BRD10: variants seen among roughly 807,000 people sequenced by gnomAD.
The protein encoded by BRD10 is bromodomain containing 10, also known as uncharacterized bromodomain-containing protein 10.
chr9:5,957,700 TA>T, the BRD10 span, among the ~76,000 whole-genome samples: 1 of 152,210 alleles, frequency 6.6e-6, no homozygotes, highest in Admixed American at 6.5e-5. Flanking sequence ...GTACATTTAC[TA>T]TTTTTTAATA....
At chr9:5,904,525 T>A in the BRD10 span, among the ~76,000 whole-genome samples, 2 of 152,220 alleles carry the variant, frequency 1.3e-5, no homozygotes, top group African/African-American at 4.8e-5. Context: ...CAGGCTGGAG[T>A]GCAGTGGCAC....
At chr9:5,988,593 C>CA in the BRD10 span, 6 of 1,381,942 alleles carry the variant, frequency 4.3e-6, no homozygotes. Flanking sequence ...TCTGGATAAG[C>CA]AATAAACCCC....
At chr9:5,921,365 T>C in the BRD10 span, 1 of 1,613,994 alleles carries the variant, frequency 6.2e-7, no homozygotes, top group Non-Finnish European at 8.5e-7. Context: ...TTGGGGTTGC[T>C]CTGGAGTCTT....
chr9:5,932,858 G>A, the BRD10 span, among the ~76,000 whole-genome samples: 1 of 151,870 alleles, frequency 6.6e-6, no homozygotes, highest in African/African-American at 2.4e-5. Context: ...TTTACATGTA[G>A]GTATCTCTGT....
chr9:5,948,271 G>A, the BRD10 span, among the ~76,000 whole-genome samples: 1 of 152,060 alleles, frequency 6.6e-6, no homozygotes, highest in African/African-American at 2.4e-5. Context: ...CACTGCTAGA[G>A]GAAACCACAG....
chr9:6,004,467 G>A, the BRD10 span, among the ~76,000 whole-genome samples: 5 of 152,126 alleles, frequency 3.3e-5, no homozygotes, highest in Admixed American at 1.3e-4. Context: ...ATGCTATTGG[G>A]CTGCTCTCTA....
At chr9:5,971,307 T>C in the BRD10 span, among the ~76,000 whole-genome samples, 58 of 152,286 alleles carry the variant, frequency 3.8e-4, no homozygotes, top group African/African-American at 1.3e-3. Context: ...CCTCATACAC[T>C]GTAGGCAGTA....
chr9:5,998,110 C>CA, the BRD10 span, among the ~76,000 whole-genome samples: 4 of 151,234 alleles, frequency 2.6e-5, no homozygotes, highest in Non-Finnish European at 5.9e-5. Context: ...TAAAAATAAA[C>CA]AAAAAAAAGA....
the BRD10 span, among the ~76,000 whole-genome samples, chr9:5,897,922 C>A: frequency 6.6e-6 from 1 of 152,142 alleles, no homozygotes; most frequent in Admixed American, 6.5e-5. Context: ...AAATGAAATT[C>A]ATTTGGTTTA....
the BRD10 span, among the ~76,000 whole-genome samples, chr9:6,004,553 G>A: frequency 1.3e-5 from 2 of 152,152 alleles, no homozygotes; most frequent in African/African-American, 4.8e-5. Context: ...ATAGGGAACG[G>A]CTTTAAAGTC....
the BRD10 span, among the ~76,000 whole-genome samples, chr9:5,996,395 T>C: frequency 2.6e-5 from 4 of 152,174 alleles, no homozygotes; most frequent in Admixed American, 6.5e-5. Context: ...CTCAGCTCAC[T>C]GCAACCTTTG....
At chr9:5,946,272 T>A in the BRD10 span, among the ~76,000 whole-genome samples, 1 of 152,080 alleles carries the variant, frequency 6.6e-6, no homozygotes, top group Non-Finnish European at 1.5e-5. Flanking sequence ...TAATTTCAAA[T>A]TCATAGAATT....
chr9:5,879,974 C>T, the BRD10 span, among the ~76,000 whole-genome samples: 1 of 152,296 alleles, frequency 6.6e-6, no homozygotes, highest in South Asian at 2.1e-4. Context: ...AGCTGGAGTG[C>T]AGTGGTATGA....
At chr9:5,963,844 C>G in the BRD10 span, among the ~76,000 whole-genome samples, 12 of 151,814 alleles carry the variant, frequency 7.9e-5, no homozygotes, top group African/African-American at 2.9e-4. Context: ...GGAAAACTGG[C>G]TAGCCATATG....
the BRD10 span, among the ~76,000 whole-genome samples, chr9:5,924,405 A>G: frequency 3.3e-5 from 5 of 152,224 alleles, no homozygotes; most frequent in East Asian, 7.7e-4. Context: ...GACCTCTTGA[A>G]TAGCTGGGAC....
the BRD10 span, among the ~76,000 whole-genome samples, chr9:5,946,450 G>C: frequency 6.6e-6 from 1 of 151,996 alleles, no homozygotes; most frequent in African/African-American, 2.4e-5. Context: ...GCAGTGGACT[G>C]GCCAACCAGG....
At chr9:5,985,292 T>C in the BRD10 span, among the ~76,000 whole-genome samples, 60 of 152,032 alleles carry the variant, frequency 3.9e-4, 1 homozygote, top group African/African-American at 1.2e-3. Context: ...AACCAAAACT[T>C]AAAAAATTCT....
chr9:5,923,251 C>T, the BRD10 span: 1 of 1,613,418 alleles, frequency 6.2e-7, no homozygotes, highest in Non-Finnish European at 8.5e-7. Context: ...AAGGCAATTC[C>T]TTTTTCAACA....
chr9:5,991,039 G>A, the BRD10 span, among the ~76,000 whole-genome samples: 21 of 152,186 alleles, frequency 1.4e-4, no homozygotes, highest in Non-Finnish European at 2.5e-4. Flanking sequence ...CCATTAAAAC[G>A]AATCAAGTAT....
Sources: gnomAD v4.1 joint callset for allele counts (sites outside exome capture counted in the v4.1 genomes callset) on GRCh38, gnomAD v4.1.1 for gene constraint, MANE v1.5 for transcripts, NCBI Gene and HGNC (gene_info 2026-07-23, HGNC 2026-07-21) for gene names.